Variants in SLC44A5 observed in about 807,000 individuals in gnomAD.
SLC44A5 encodes the protein choline transporter-like protein 5.
Under a neutral mutation model 101.8 loss-of-function variants are expected in SLC44A5, and 57 were observed. That is an observed-to-expected ratio of 0.56 (90% CI 0.45 to 0.70). SLC44A5 has a LOEUF of 0.70. Ranked by LOEUF, SLC44A5 falls within the 30% of genes least tolerant of loss-of-function variation. The pLI is 0.00. For missense variants in SLC44A5, 737 were observed against 853.1 expected, an observed-to-expected ratio of 0.86 and a Z score of 1.70; for synonymous variants, 281 against 290.9, an observed-to-expected ratio of 0.97 and a Z score of 0.35.
At chr1:75,214,829 C>T (rs1643214589) in intron 19 of SLC44A5, 151 bp from the exon 20 acceptor site, 8 of 622,266 alleles carry the variant, frequency 1.3e-5, no homozygotes, top group Non-Finnish European at 2.0e-5. Context: ...GTGGGACACA[C>T]TGTGTGTCCT....
At chr1:75,582,769 C>A (rs1227151270) in intron 1 of SLC44A5, among the ~76,000 whole-genome samples, 2 of 152,176 alleles carry the variant, frequency 1.3e-5, no homozygotes, top group African/African-American at 4.8e-5. Context: ...TTAAATGAAG[C>A]CTTTCACTAC....
chr1:75,558,917 A>G (rs1396511557), intron 1 of SLC44A5, among the ~76,000 whole-genome samples: 1 of 152,088 alleles, frequency 6.6e-6, no homozygotes, highest in Non-Finnish European at 1.5e-5. Context: ...CAAGATTCCA[A>G]AAGGTCTCAG....
At chr1:75,580,769 C>T (rs1316970165) in intron 1 of SLC44A5, among the ~76,000 whole-genome samples, 1 of 148,026 alleles carries the variant, frequency 6.8e-6, no homozygotes, top group Non-Finnish European at 1.5e-5. Flanking sequence ...ACCTGGGAGG[C>T]AGAGGTCGCA....
chr1:75,510,585 T>C (rs531316372), intron 2 of SLC44A5, among the ~76,000 whole-genome samples: 42 of 152,234 alleles, frequency 2.8e-4, no homozygotes, highest in African/African-American at 9.6e-4. Context: ...AAACAGGAAA[T>C]GAAAACTCAA....
At chr1:75,386,009 C>T (rs1046126697) in intron 3 of SLC44A5, among the ~76,000 whole-genome samples, 1 of 152,270 alleles carries the variant, frequency 6.6e-6, no homozygotes, top group South Asian at 2.1e-4. Context: ...AATTCAACAA[C>T]CCCTCATGCT....
At chr1:75,454,815 T>C (rs1395830161) in intron 2 of SLC44A5, among the ~76,000 whole-genome samples, 1 of 151,950 alleles carries the variant, frequency 6.6e-6, no homozygotes, top group Admixed American at 6.6e-5. Flanking sequence ...TATTTAGAAA[T>C]GCATCCAACC....
intron 4 of SLC44A5, among the ~76,000 whole-genome samples, chr1:75,327,171 G>A (rs1656668074): frequency 6.6e-6 from 1 of 151,898 alleles, no homozygotes; most frequent in Non-Finnish European, 1.5e-5. Flanking sequence ...TAATGATTAT[G>A]AGGAACACAA....
rs76662706 is a variant in SLC44A5, at chr1:75,331,040, A to G, written c.101+8542T>C. Among the ~76,000 whole-genome samples the G allele has an allele frequency of 9.1e-3, 1,311 of 143,550 alleles. 21 individuals carry two copies. The highest frequency in any genetic ancestry group is 0.033 in the African/African-American group (1,253 of 38,354). The allele number at this position is 143,550 out of a possible 152,430, so 94.2% of individuals were successfully genotyped here. A position where few individuals can be genotyped will look rare whatever the true frequency, so the allele number is the denominator to read the frequency against. On this transcript the variant is annotated intron_variant, in intron 4 of 23. Transcript: ENST00000370859. The stretch of plus-strand genomic sequence containing the variant: ...TCTCCAACTCACTGGGTGTTCTTCC[A>G]TGTCCTGTACTGATTCTTCCACCTC...
intron 5 of SLC44A5, among the ~76,000 whole-genome samples, chr1:75,295,586 G>A (rs1361190222): frequency 6.6e-6 from 1 of 152,212 alleles, no homozygotes; most frequent in Non-Finnish European, 1.5e-5. Flanking sequence ...GTAAGGGCTG[G>A]TTCTGATCAA....
chr1:75,308,395 T>A (rs987296070), intron 4 of SLC44A5, among the ~76,000 whole-genome samples: 2 of 152,142 alleles, frequency 1.3e-5, no homozygotes, highest in Non-Finnish European at 2.9e-5. Context: ...AACCTGATTT[T>A]TTTTTTTTTA....
intron 2 of SLC44A5, among the ~76,000 whole-genome samples, chr1:75,457,295 AC>A (rs1409442735): frequency 1.3e-5 from 2 of 152,214 alleles, no homozygotes; most frequent in Non-Finnish European, 2.9e-5. Context: ...AGACAAGTAA[AC>A]CCAAAAAGAC....
chr1:75,547,875 A>T (rs1160055084), intron 1 of SLC44A5, among the ~76,000 whole-genome samples: 4 of 152,146 alleles, frequency 2.6e-5, no homozygotes, highest in African/African-American at 9.7e-5. Context: ...GTCTTAAAAA[A>T]TCTGTAAAAG....
At chr1:75,521,345 A>G (rs1670111356) in intron 2 of SLC44A5, among the ~76,000 whole-genome samples, 1 of 152,248 alleles carries the variant, frequency 6.6e-6, no homozygotes, top group Admixed American at 6.5e-5. Context: ...AAGTGCAGAC[A>G]GCACAGAGGT....
chr1:75,682,019 A>C, the SLC44A5 span, among the ~76,000 whole-genome samples: 3 of 152,332 alleles, frequency 2.0e-5, no homozygotes, highest in South Asian at 6.2e-4. Flanking sequence ...TTCAAAGAGA[A>C]TAAAATACCT....
chr1:75,656,133 C>T, the SLC44A5 span, among the ~76,000 whole-genome samples: 11 of 152,150 alleles, frequency 7.2e-5, no homozygotes, highest in Admixed American at 4.6e-4. Context: ...GGAAAAACTT[C>T]CAACTGAGTA....
In SLC44A5 at chr1:75,215,741, A is replaced by G. The variant is rs747156691; in HGVS notation, c.1728+13T>C. On this transcript the variant is annotated intron_variant, in intron 19 of 23. Coordinates refer to ENST00000370859, the MANE Select transcript of SLC44A5 (RefSeq NM_001130058.2). The stretch of plus-strand genomic sequence containing the variant: ...AAGAAGCAGCTTAGTAAATAATAAA[A>G]TAATCTACCTACCATAATATAGGCA... 16 of 1,493,932 alleles carry G rather than the reference A, an allele frequency of 1.1e-5. No individual in the cohort carries two copies. Among genetic ancestry groups the G allele is most frequent in the Admixed American group, 6.7e-5 (4 of 59,352 alleles). 92.5% of individuals were successfully genotyped at this position (1,493,932 alleles called of 1,614,324 possible).
intron 6 of SLC44A5, among the ~76,000 whole-genome samples, chr1:75,256,294 G>A (rs1277988913): frequency 2.0e-5 from 3 of 152,048 alleles, no homozygotes; most frequent in Non-Finnish European, 4.4e-5. Context: ...AGACCTTCAG[G>A]GAAAAGGGGC....
chr1:75,376,342 A>C (rs1273377095), intron 3 of SLC44A5, among the ~76,000 whole-genome samples: 2 of 152,216 alleles, frequency 1.3e-5, no homozygotes, highest in East Asian at 1.9e-4. Context: ...ACCACAGCTC[A>C]AGGAGGCCTG....
chr1:75,545,257 T>C (rs1010396073), intron 1 of SLC44A5, among the ~76,000 whole-genome samples: 2 of 152,202 alleles, frequency 1.3e-5, no homozygotes, highest in Admixed American at 1.3e-4. Context: ...CAGTCTATCG[T>C]TGATAGACAT....
Sources: allele counts gnomAD v4.1 joint callset (sites outside exome capture counted in the v4.1 genomes callset), GRCh38; gene constraint gnomAD v4.1.1; transcripts MANE v1.5; gene names NCBI Gene and HGNC (gene_info 2026-07-23, HGNC 2026-07-21).